ACSM3: variants seen among roughly 807,000 people sequenced by gnomAD.
The protein encoded by ACSM3 is acyl-coenzyme A synthetase ACSM3, mitochondrial.
A neutral mutation model predicts 74.1 loss-of-function variants in ACSM3; 61 were observed. The ratio of observed to expected loss-of-function variants is 0.82; its 90% CI spans 0.67 to 1.02. The LOEUF is 1.02. ACSM3 is among the 50% of genes least tolerant of loss of function. The pLI is 0.00. For synonymous variants in ACSM3, 213 were observed against 241.5 expected, an observed-to-expected ratio of 0.88 and a Z score of 1.09; for missense variants, 660 against 697.0, an observed-to-expected ratio of 0.95 and a Z score of 0.60.
chr16:20,701,768 C>T (rs2079713461), intron 1 of ACSM3, among the ~76,000 whole-genome samples: 1 of 151,872 alleles, frequency 6.6e-6, no homozygotes, highest in Admixed American at 6.5e-5. Context: ...GTTTAACTCC[C>T]ACTTATCAGT....
intron 1 of ACSM3, among the ~76,000 whole-genome samples, chr16:20,740,418 A>C (rs1482154148): frequency 6.6e-6 from 1 of 152,194 alleles, no homozygotes; most frequent in Non-Finnish European, 1.5e-5. Context: ...AATTTGCTTA[A>C]AGTACAGGAG....
chr16:20,761,491 G>A (rs1426035283), upstream of ACSM3, among the ~76,000 whole-genome samples: 1 of 152,166 alleles, frequency 6.6e-6, no homozygotes, highest in Non-Finnish European at 1.5e-5. Flanking sequence ...AACTAAGTAG[G>A]ACATGACACC....
intron 1 of ACSM3, among the ~76,000 whole-genome samples, chr16:20,739,481 T>C (rs187494683): frequency 6.6e-6 from 1 of 152,142 alleles, no homozygotes; most frequent in East Asian, 1.9e-4. Flanking sequence ...GACTCAGTAT[T>C]GATAATAAAG....
At chr16:20,685,644 AC>A (rs1414130683) in intron 1 of ACSM3, among the ~76,000 whole-genome samples, 1 of 151,564 alleles carries the variant, frequency 6.6e-6, no homozygotes, top group Non-Finnish European at 1.5e-5. Context: ...ACATGGTGAA[AC>A]CCTGTCTCTA....
intron 1 of ACSM3, among the ~76,000 whole-genome samples, chr16:20,713,763 T>C (rs767647202): frequency 4.5e-4 from 69 of 152,044 alleles, no homozygotes; most frequent in Non-Finnish European, 8.7e-4. Flanking sequence ...CAAATTGAAA[T>C]GTGCATATTT....
intron 1 of ACSM3, among the ~76,000 whole-genome samples, chr16:20,710,582 C>A (rs1034217116): frequency 1.3e-5 from 2 of 151,980 alleles, no homozygotes; most frequent in Admixed American, 6.6e-5. Flanking sequence ...TGGGCTCAAG[C>A]GACCCTCCCA....
chr16:20,708,651 T>C (rs1293776015), intron 1 of ACSM3, among the ~76,000 whole-genome samples: 1 of 152,240 alleles, frequency 6.6e-6, no homozygotes, highest in African/African-American at 2.4e-5. Flanking sequence ...CCTGTGTTCA[T>C]GGATTGAAAG....
intron 1 of ACSM3, among the ~76,000 whole-genome samples, chr16:20,720,650 C>A (rs1596484838): frequency 6.6e-6 from 1 of 152,174 alleles, no homozygotes; most frequent in Non-Finnish European, 1.5e-5. Flanking sequence ...AACATAAGAA[C>A]GGAGATCTCC....
At chr16:20,759,814 G>A (rs1411995271), upstream of ACSM3, among the ~76,000 whole-genome samples, 1 of 152,182 alleles carries the variant, frequency 6.6e-6, no homozygotes, top group Non-Finnish European at 1.5e-5. Context: ...CTCAAGGAGA[G>A]GGGTTAGAAG....
intron 1 of ACSM3, chr16:20,734,280 T>G (rs2079849982): frequency 6.6e-6 from 1 of 152,630 alleles, no homozygotes; most frequent in Non-Finnish European, 1.5e-5. Flanking sequence ...AATAGAATCT[T>G]TGTCTTGGAG....
chr16:20,752,034 A>C (rs2079992535), intron 2 of ACSM3, among the ~76,000 whole-genome samples: 1 of 152,198 alleles, frequency 6.6e-6, no homozygotes, highest in Non-Finnish European at 1.5e-5. Flanking sequence ...ATGAGAAATA[A>C]ATGATATGAG....
chr16:20,787,433 TTAGA>T (rs1165545937), intron 9 of ACSM3, among the ~76,000 whole-genome samples: 3 of 152,226 alleles, frequency 2.0e-5, no homozygotes, highest in African/African-American at 7.2e-5. Context: ...AGTACAGCTC[TTAGA>T]TAAATGTTTC....
chr16:20,742,349 C>CT (rs1223393485), intron 1 of ACSM3, among the ~76,000 whole-genome samples: 1 of 152,126 alleles, frequency 6.6e-6, no homozygotes, highest in African/African-American at 2.4e-5. Context: ...TCATGCCAAT[C>CT]AACGCATTAC....
At chr16:20,703,970 C>A (rs1261561489) in intron 1 of ACSM3, 1 of 152,156 alleles carries the variant, frequency 6.6e-6, no homozygotes, top group African/African-American at 2.4e-5. Context: ...CTACTTAGAA[C>A]AGTGCCTGAC....
intron 12 of ACSM3, chr16:20,792,603 G>A (rs1383785567): frequency 2.0e-6 from 2 of 985,450 alleles, no homozygotes; most frequent in Non-Finnish European, 2.4e-6. Context: ...GGCAAAGATG[G>A]TGTGAATGCC....
intron 7 of ACSM3, chr16:20,783,241 C>A (rs984006736): frequency 6.6e-6 from 1 of 152,122 alleles, no homozygotes; most frequent in Non-Finnish European, 1.5e-5. Context: ...AATATTAGAA[C>A]AAAAGATACT....
intron 1 of ACSM3, among the ~76,000 whole-genome samples, chr16:20,748,648 G>T (rs548877761): frequency 1.3e-5 from 2 of 152,292 alleles, no homozygotes; most frequent in South Asian, 4.1e-4. Context: ...AAAAGTTGAG[G>T]TTGAGACTCA....
At chr16:20,760,209 A>C (rs560738817), upstream of ACSM3, among the ~76,000 whole-genome samples, 45 of 152,296 alleles carry the variant, frequency 3.0e-4, no homozygotes, top group African/African-American at 1.1e-3. Flanking sequence ...CTTTTACCCC[A>C]AAATATATTT....
chr16:20,783,104 T>C (rs2080389366), intron 7 of ACSM3: 1 of 152,216 alleles, frequency 6.6e-6, no homozygotes, highest in African/African-American at 2.4e-5. Flanking sequence ...GCTTAGTCTT[T>C]CTTGTGACCA....
Sources: gnomAD v4.1 joint callset for allele counts (sites outside exome capture counted in the v4.1 genomes callset) on GRCh38, gnomAD v4.1.1 for gene constraint, MANE v1.5 for transcripts, NCBI Gene and HGNC (gene_info 2026-07-23, HGNC 2026-07-21) for gene names.